The following SP100 variants were observed in gnomAD, a reference collection of about 807,000 sequenced individuals.
SP100 encodes nuclear autoantigen Sp-100.
Under a neutral mutation model 130.0 loss-of-function variants are expected in SP100, and 84 were observed. That is an observed-to-expected ratio of 0.65 (90% CI 0.54 to 0.77). The LOEUF is 0.77. SP100 is among the 30% of genes least tolerant of loss of function. SP100 has a pLI of 0.00. For missense variants in SP100, 978 were observed against 1,052.2 expected (o/e 0.93, Z 0.97); for synonymous variants, 331 against 351.7 (o/e 0.94, Z 0.66).
rs143561048 is a variant in SP100, at chr2:230,471,133, C to G, written c.1429+1035C>G. Among the ~76,000 whole-genome samples, 540 of 152,004 alleles carry G rather than the reference C, an allele frequency of 3.6e-3. 5 individuals carry two copies. Among genetic ancestry groups the G allele is most frequent in the African/African-American group, 0.011 (466 of 41,466 alleles). On this transcript the variant is annotated intron_variant, in intron 15 of 28. Transcript: ENST00000340126. ...AGATAAACATAGAAATAAAGGAGAACAGAACATCATTGATGGAAACAGAAA... is the reference window on the plus strand; with the variant it reads ...AGATAAACATAGAAATAAAGGAGAAGAGAACATCATTGATGGAAACAGAAA...
intron 11 of SP100, among the ~76,000 whole-genome samples, chr2:230,465,764 A>G (rs921633072): frequency 3.3e-5 from 5 of 152,186 alleles, no homozygotes; most frequent in African/African-American, 1.2e-4. Flanking sequence ...AAAATTAATT[A>G]AAAAGAGGCA....
At position 230,471,479 on chromosome 2, in the gene SP100, C is replaced by T. The variant is rs139576594; in HGVS notation, c.1429+1381C>T. 1.5e-3 allele frequency among the ~76,000 whole-genome samples: 232 copies of T among 152,304 alleles called. 2 individuals are homozygous for T. The highest frequency in any genetic ancestry group is 5.3e-3 in the African/African-American group (219 of 41,562). On this transcript the variant is annotated intron_variant, in intron 15 of 28. Coordinates refer to ENST00000340126, the MANE Select transcript of SP100 (RefSeq NM_001080391.2). ...GAATTTAGAGCTCCTCCAATGAATA[C>T]ACAAAGAGAGTCAGAAGAGATGCAG...
At chr2:230,424,064 G>A (rs2062849546) in intron 2 of SP100, among the ~76,000 whole-genome samples, 1 of 152,082 alleles carries the variant, frequency 6.6e-6, no homozygotes, top group Non-Finnish European at 1.5e-5. Flanking sequence ...ATTGGGGAAG[G>A]GTGATGTGAA....
intron 2 of SP100, 125 bp downstream of exon 2, chr2:230,417,790 G>A: frequency 7.2e-7 from 1 of 1,391,742 alleles, no homozygotes; most frequent in Non-Finnish European, 9.5e-7. Context: ...TTTGTTTTTT[G>A]CCAATATGAT....
At chr2:230,470,424 A>T in intron 15 of SP100, 1 of 1,007,192 alleles carries the variant, frequency 9.9e-7, no homozygotes, top group Non-Finnish European at 1.2e-6. Context: ...TATAGTGATA[A>T]ATGGGTTGAC....
chr2:230,487,669 AT>A (rs1467393209), intron 17 of SP100, among the ~76,000 whole-genome samples: 1 of 152,104 alleles, frequency 6.6e-6, no homozygotes, highest in African/African-American at 2.4e-5. Context: ...GTCTTCTTTG[AT>A]TCCAAATGAA....
intron 24 of SP100, among the ~76,000 whole-genome samples, chr2:230,522,114 G>T (rs1691198543): frequency 6.6e-6 from 1 of 152,026 alleles, no homozygotes; most frequent in Non-Finnish European, 1.5e-5. Flanking sequence ...CTATCGATTT[G>T]GGAAATTCCA....
At chr2:230,417,949 G>A (rs919505901) in intron 2 of SP100, among the ~76,000 whole-genome samples, 2 of 152,052 alleles carry the variant, frequency 1.3e-5, no homozygotes, top group Non-Finnish European at 2.9e-5. Flanking sequence ...GGCCTCTTGT[G>A]ATACAGATTT....
intron 17 of SP100, among the ~76,000 whole-genome samples, chr2:230,488,038 A>G (rs942910156): frequency 1.3e-5 from 2 of 152,108 alleles, no homozygotes; most frequent in Admixed American, 6.5e-5. Context: ...TTGATTTTGT[A>G]TCCTGAGATT....
intron 18 of SP100, among the ~76,000 whole-genome samples, chr2:230,496,326 T>C (rs2066664889): frequency 6.6e-6 from 1 of 152,236 alleles, no homozygotes; most frequent in Admixed American, 6.5e-5. Flanking sequence ...ATATCTCATT[T>C]AATATTAAAA....
intron 2 of SP100, among the ~76,000 whole-genome samples, chr2:230,428,887 G>A (rs1251847317): frequency 6.6e-6 from 1 of 152,236 alleles, no homozygotes; most frequent in African/African-American, 2.4e-5. Flanking sequence ...TGAGATTTCA[G>A]TGGGGACATG....
chr2:230,515,441 A>G lies in SP100; in HGVS notation c.2094+4275A>G, dbSNP rs138319687. 9 of 1,613,768 alleles carry G rather than the reference A, an allele frequency of 5.6e-6. No homozygotes were observed. The African/African-American group carries it at 1.2e-4, about 22-fold the overall frequency. ...ATGTGGAATAACACCGCTGCAGCTG[A>G]CAAGCAGTTTTATGAAAAGAAGGCT... On this transcript the variant is annotated intron_variant, in intron 24 of 28. Transcript: ENST00000340126.
At chr2:230,515,314 C>T (rs754650493) in intron 24 of SP100, 27 of 1,613,252 alleles carry the variant, frequency 1.7e-5, no homozygotes, top group Non-Finnish European at 1.9e-5. Context: ...ACCCAAGAGG[C>T]CTCCTTTGGC....
chr2:230,524,063 G>T (rs12991681), intron 24 of SP100, among the ~76,000 whole-genome samples: 27,331 of 150,490 alleles, frequency 0.18, 2,965 homozygotes, highest in African/African-American at 0.31. Flanking sequence ...GCTGGGTGTG[G>T]TTGCTCACGC....
chr2:230,495,094 G>A (rs915736402), intron 18 of SP100, among the ~76,000 whole-genome samples: 1 of 152,176 alleles, frequency 6.6e-6, no homozygotes, highest in Non-Finnish European at 1.5e-5. Context: ...TCTTTGGCAA[G>A]GACAGGAGCT....
chr2:230,518,688 A>T (rs1691034825), intron 24 of SP100, among the ~76,000 whole-genome samples: 1 of 152,050 alleles, frequency 6.6e-6, no homozygotes, highest in Non-Finnish European at 1.5e-5. Flanking sequence ...GAAAATTGAT[A>T]TATTAGACAA....
intron 9 of SP100, 87 bp downstream of exon 9, chr2:230,461,501 G>T (rs1247234807): frequency 5.9e-6 from 8 of 1,359,038 alleles, no homozygotes; most frequent in South Asian, 1.3e-5. Context: ...CATCGGGGCA[G>T]TGCAGGTAGC....
At chr2:230,529,490 C>T (rs559236707) in intron 24 of SP100, among the ~76,000 whole-genome samples, 2 of 152,310 alleles carry the variant, frequency 1.3e-5, no homozygotes, top group South Asian at 4.1e-4. Flanking sequence ...TGGGCAAAAA[C>T]TGGAAGCATT....
intron 15 of SP100, 148 bp downstream of exon 15, chr2:230,470,246 T>C (rs2065200156): frequency 1.5e-6 from 2 of 1,341,972 alleles, no homozygotes; most frequent in East Asian, 2.9e-5. Context: ...TTTTAGAAAA[T>C]GGAAAGAGGC....
Sources: gnomAD v4.1 joint callset for allele counts (sites outside exome capture counted in the v4.1 genomes callset) on GRCh38, gnomAD v4.1.1 for gene constraint, MANE v1.5 for transcripts, NCBI Gene and HGNC (gene_info 2026-07-23, HGNC 2026-07-21) for gene names.